C16orf87: variants seen among roughly 807,000 people sequenced by gnomAD.
The protein encoded by C16orf87 is UPF0547 protein C16orf87.
Under a neutral mutation model 21.0 loss-of-function variants are expected in C16orf87, and 13 were observed. The ratio of observed to expected loss-of-function variants is 0.62; its 90% CI spans 0.40 to 0.98. The LOEUF (loss-of-function observed/expected upper bound fraction) is 0.98. Ranked by LOEUF, C16orf87 falls within the 50% of genes least tolerant of loss-of-function variation. The probability of loss-of-function intolerance (pLI) is 0.00; values close to 1 mark genes in which losing one functional copy is unlikely to be tolerated. For missense variants in C16orf87, 113 were observed against 180.4 expected (o/e 0.63, Z 2.14); for synonymous variants, 49 against 60.2 (o/e 0.81, Z 0.86).
At chr16:46,806,525 C>T (rs1443335944) in intron 3 of C16orf87, among the ~76,000 whole-genome samples, 1 of 152,170 alleles carries the variant, frequency 6.6e-6, no homozygotes, top group Non-Finnish European at 1.5e-5. Context: ...TCCCACAGTG[C>T]TGGGATTACA....
At chr16:46,826,850 A>G (rs1185161666) in intron 1 of C16orf87, among the ~76,000 whole-genome samples, 2 of 152,218 alleles carry the variant, frequency 1.3e-5, no homozygotes, top group East Asian at 3.8e-4. Context: ...AATTAATGCT[A>G]TCCAAAATAC....
At chr16:46,830,994 G>T (rs1383533560) in intron 1 of C16orf87, 90 bp downstream of exon 1, 3 of 1,021,238 alleles carry the variant, frequency 2.9e-6, no homozygotes, top group African/African-American at 3.3e-5. Flanking sequence ...CCCACCGCTC[G>T]GCCTCCGGGA....
At position 46,806,542 on chromosome 16, in the gene C16orf87, A is replaced by G. The variant is rs577687701; in HGVS notation, c.346+3061T>C. ...CCACAGTGCTGGGATTACAGGCGTGAGCCACCACGCCTGACCCATTCATTC... is the reference window on the plus strand; with the variant it reads ...CCACAGTGCTGGGATTACAGGCGTGGGCCACCACGCCTGACCCATTCATTC... On this transcript the variant is annotated intron_variant, in intron 3 of 3. Transcript: ENST00000285697. Among the ~76,000 whole-genome samples, 5 of 152,286 alleles carry G rather than the reference A, an allele frequency of 3.3e-5. No individual in the cohort carries two copies. The East Asian group carries it at 9.6e-4, about 29-fold the overall frequency.
intron 1 of C16orf87, among the ~76,000 whole-genome samples, chr16:46,828,427 A>G (rs574213099): frequency 6.6e-6 from 1 of 152,322 alleles, no homozygotes; most frequent in South Asian, 2.1e-4. Context: ...AAAAGATACC[A>G]GAAAACTGAC....
intron 1 of C16orf87, among the ~76,000 whole-genome samples, chr16:46,824,689 G>A (rs1400931654): frequency 2.3e-5 from 3 of 132,150 alleles, no homozygotes; most frequent in Non-Finnish European, 4.7e-5. Flanking sequence ...TTTTTGAGAC[G>A]GAGTCTCACT....
intron 2 of C16orf87, among the ~76,000 whole-genome samples, chr16:46,813,642 T>C (rs1389144541): frequency 2.6e-5 from 4 of 152,178 alleles, no homozygotes; most frequent in Admixed American, 2.6e-4. Context: ...CACCACTTTG[T>C]TCACTACACT....
At chr16:46,812,027 T>C (rs1596812664) in intron 2 of C16orf87, among the ~76,000 whole-genome samples, 1 of 152,162 alleles carries the variant, frequency 6.6e-6, no homozygotes, top group East Asian at 1.9e-4. Context: ...GCGGATCACC[T>C]GAGTTCAGGA....
intron 2 of C16orf87, among the ~76,000 whole-genome samples, chr16:46,820,539 C>G (rs1352698229): frequency 2.0e-5 from 3 of 152,204 alleles, no homozygotes; most frequent in Non-Finnish European, 4.4e-5. Flanking sequence ...ATCATTCTTT[C>G]AAACTAGCAC....
intron 1 of C16orf87, among the ~76,000 whole-genome samples, chr16:46,828,548 A>C (rs1372356684): frequency 1.3e-5 from 2 of 152,166 alleles, no homozygotes; most frequent in African/African-American, 4.8e-5. Context: ...TTTTAGAATG[A>C]TATGTTCAAT....
Position 46,824,435 on chromosome 16 carries a change from G to C in C16orf87, c.114C>G (p.Ser38Arg). 1 of 1,584,844 alleles carries C rather than the reference G, an allele frequency of 6.3e-7. No individual in the cohort carries two copies. The highest frequency in any genetic ancestry group is 8.6e-7 in the Non-Finnish European group (1 of 1,161,004). ...AGTGTTTTGCATTTAAAAGTTTTCT[G>C]CTAATAAATATGTAACCACAAGGAC... is the stretch of plus-strand genomic sequence containing the variant. The part of the protein sequence containing the change: ...KSCPCGYIFI[S>R]RKLLNAKHSE... Residue 38 changes from serine (S) to arginine (R), a missense_variant, in exon 2 of 4, where the codon AGC (serine) becomes AGG (arginine). Physicochemically the swap from Ser to Arg is moderately radical, Grantham distance 110. Transcript: ENST00000285697.
intron 1 of C16orf87, among the ~76,000 whole-genome samples, chr16:46,825,488 C>T (rs1959580127): frequency 6.6e-6 from 1 of 152,152 alleles, no homozygotes; most frequent in Admixed American, 6.5e-5. Flanking sequence ...ATGGGGTACA[C>T]TAATATAGAC....
At chr16:46,828,843 T>C (rs1260140594) in intron 1 of C16orf87, among the ~76,000 whole-genome samples, 1 of 152,244 alleles carries the variant, frequency 6.6e-6, no homozygotes, top group Admixed American at 6.5e-5. Flanking sequence ...CTAGTACTTT[T>C]AAATAATGAG....
intron 2 of C16orf87, among the ~76,000 whole-genome samples, chr16:46,815,777 C>T (rs1968221999): frequency 1.3e-5 from 2 of 152,134 alleles, no homozygotes; most frequent in Admixed American, 6.5e-5. Flanking sequence ...GTAGAGAAAC[C>T]GGAAGGAACA....
intron 2 of C16orf87, among the ~76,000 whole-genome samples, chr16:46,818,634 G>C (rs1567313806): frequency 6.6e-6 from 1 of 151,624 alleles, no homozygotes; most frequent in Non-Finnish European, 1.5e-5. Context: ...TAAATTTTAT[G>C]AACTAGTGTC....
chr16:46,821,611 C>T (rs562345042), intron 2 of C16orf87, among the ~76,000 whole-genome samples: 3 of 152,318 alleles, frequency 2.0e-5, no homozygotes, highest in East Asian at 1.9e-4. Flanking sequence ...TAAAACTCAT[C>T]GCCATGACTT....
intron 2 of C16orf87, among the ~76,000 whole-genome samples, chr16:46,816,765 G>A (rs1337515974): frequency 2.0e-5 from 3 of 152,166 alleles, no homozygotes; most frequent in Admixed American, 6.6e-5. Flanking sequence ...AGGTGAGGTG[G>A]CATCTAGCTC....
At chr16:46,829,777 C>T (rs561201136) in intron 1 of C16orf87, among the ~76,000 whole-genome samples, 5 of 152,200 alleles carry the variant, frequency 3.3e-5, no homozygotes, top group African/African-American at 9.6e-5. Context: ...TTCTGATAAG[C>T]ATTTTTACTA....
chr16:46,807,588 G>A (rs1378633449), intron 3 of C16orf87, among the ~76,000 whole-genome samples: 1 of 152,186 alleles, frequency 6.6e-6, no homozygotes, highest in East Asian at 1.9e-4. Flanking sequence ...TGGCAGAGCT[G>A]AGTAGTTGTG....
chr16:46,809,097 A>G (rs1968007614), intron 3 of C16orf87, among the ~76,000 whole-genome samples: 1 of 151,908 alleles, frequency 6.6e-6, no homozygotes, highest in African/African-American at 2.4e-5. Flanking sequence ...CAGAAGTTCA[A>G]GACTAGCCTG....
Sources: gnomAD v4.1 joint callset for allele counts (sites outside exome capture counted in the v4.1 genomes callset) on GRCh38, gnomAD v4.1.1 for gene constraint, MANE v1.5 for transcripts, NCBI Gene and HGNC (gene_info 2026-07-23, HGNC 2026-07-21) for gene names.